FAM120B: variants seen among roughly 807,000 people sequenced by gnomAD.
FAM120B encodes the protein family with sequence similarity 120 member B, also known as constitutive coactivator of peroxisome proliferator-activated receptor gamma.
In FAM120B, 83 loss-of-function variants were observed where a neutral mutation model predicts 96.3. The ratio of observed to expected loss-of-function variants is 0.86; its 90% CI spans 0.72 to 1.03. The LOEUF (loss-of-function observed/expected upper bound fraction) is 1.03. Among genes scored for constraint, FAM120B ranks in the 50% least tolerant of loss-of-function variants. The probability of loss-of-function intolerance (pLI) is 0.00; values close to 1 mark genes in which losing one functional copy is unlikely to be tolerated. For synonymous variants in FAM120B, 407 were observed against 402.7 expected (o/e 1.01, Z -0.13); for missense variants, 1,027 against 1,121.2 (o/e 0.92, Z 1.20).
rs1422859582 is a variant in FAM120B, at chr6:170,404,526, G to C, written c.2693-24G>C. On this transcript the variant is annotated intron_variant, in intron 9 of 10. Coordinates refer to ENST00000476287, the MANE Select transcript of FAM120B (RefSeq NM_032448.3). Reference sequence around the variant, plus strand: ...TTGAGAGAGATTTAATTCTTACTTTGGTTTTCATGTCTGTTTACTGCAGGA... The same window carrying C: ...TTGAGAGAGATTTAATTCTTACTTTCGTTTTCATGTCTGTTTACTGCAGGA... The C allele has an allele frequency of 1.9e-6, 3 of 1,609,334 alleles. No homozygotes were observed. The African/African-American group carries it at 4.0e-5, about 22-fold the overall frequency.
chr6:170,383,103 A>G (rs201061680), intron 6 of FAM120B, among the ~76,000 whole-genome samples: 2 of 72,128 alleles, frequency 2.8e-5, no homozygotes, highest in South Asian at 1.2e-3. Flanking sequence ...CCAAAAAAAG[A>G]AAAAAAAAAA....
intron 9 of FAM120B, among the ~76,000 whole-genome samples, chr6:170,396,515 T>C (rs887288293): frequency 3.9e-5 from 6 of 152,218 alleles, no homozygotes; most frequent in African/African-American, 1.2e-4. Flanking sequence ...TTGAGAGAGC[T>C]CCAGGAATTT....
At chr6:170,305,787 C>A (rs1467753944), upstream of FAM120B, among the ~76,000 whole-genome samples, 1 of 152,220 alleles carries the variant, frequency 6.6e-6, no homozygotes, top group East Asian at 1.9e-4. Context: ...GGAACTGCAG[C>A]TAGAGGGGTG....
At chr6:170,400,721 A>G (rs1170502789) in intron 9 of FAM120B, among the ~76,000 whole-genome samples, 1 of 152,196 alleles carries the variant, frequency 6.6e-6, no homozygotes, top group African/African-American at 2.4e-5. Context: ...ATGTCAAACT[A>G]TTTTGTTAAA....
At chr6:170,333,068 A>G (rs1786165000) in intron 4 of FAM120B, among the ~76,000 whole-genome samples, 2 of 152,158 alleles carry the variant, frequency 1.3e-5, no homozygotes, top group Non-Finnish European at 2.9e-5. Context: ...AAAAATTAGG[A>G]AGGGGAAATA....
upstream of FAM120B, among the ~76,000 whole-genome samples, chr6:170,302,290 T>A (rs1041376107): frequency 1.3e-5 from 2 of 152,180 alleles, no homozygotes; most frequent in African/African-American, 4.8e-5. Flanking sequence ...TCAGGTCTCA[T>A]GAGAACTCAA....
chr6:170,339,803 T>A lies in FAM120B; in HGVS notation c.2018-8348T>A, dbSNP rs527902131. On this transcript the variant is annotated intron_variant, in intron 4 of 10. Transcript: ENST00000476287. The stretch of plus-strand genomic sequence containing the variant: ...CAAAAAAAAAAAAAAAAAAAGAATG[T>A]TGGACATTGGCCCCCCACTCTTTTG... 7.7e-4 allele frequency among the ~76,000 whole-genome samples: 117 copies of A among 151,480 alleles called. 1 individual carries two copies. Among genetic ancestry groups the A allele is most frequent in the South Asian group, 6.9e-3 (33 of 4,790 alleles).
chr6:170,367,263 C>T (rs985078549), intron 6 of FAM120B, among the ~76,000 whole-genome samples: 3 of 152,248 alleles, frequency 2.0e-5, no homozygotes, highest in Non-Finnish European at 2.9e-5. Flanking sequence ...ACCAGACTAT[C>T]GCCCATAGGC....
chr6:170,348,396 C>A, intron 5 of FAM120B, 73 bp downstream of exon 5: 1 of 1,374,718 alleles, frequency 7.3e-7, no homozygotes, highest in Non-Finnish European at 1.0e-6. Context: ...TGGGATATTG[C>A]CATGGCTGGT....
At chr6:170,350,229 A>G (rs112346677) in intron 5 of FAM120B, among the ~76,000 whole-genome samples, 8 of 152,318 alleles carry the variant, frequency 5.3e-5, no homozygotes, top group African/African-American at 1.9e-4. Context: ...TGCAGGCTGC[A>G]CTTCCATGGC....
chr6:170,358,358 A>C, intron 6 of FAM120B, 40 bp downstream of exon 6: 1 of 1,366,790 alleles, frequency 7.3e-7, no homozygotes, highest in Non-Finnish European at 1.0e-6. Context: ...CCCGGAAGAC[A>C]GCTGTGCAGT....
upstream of FAM120B, chr6:170,291,148 C>T: frequency 3.7e-6 from 2 of 544,966 alleles, no homozygotes; most frequent in Admixed American, 2.2e-5. Flanking sequence ...CCCCTGCCCC[C>T]GCCCCCAGCC....
chr6:170,293,798 C>T (rs1783937977), upstream of FAM120B, among the ~76,000 whole-genome samples: 1 of 150,216 alleles, frequency 6.7e-6, no homozygotes, highest in Admixed American at 6.6e-5. Context: ...TCCTCTCTCC[C>T]TCTCTCTTTA....
intron 4 of FAM120B, among the ~76,000 whole-genome samples, chr6:170,335,048 T>C (rs1042392450): frequency 1.3e-5 from 2 of 149,648 alleles, no homozygotes; most frequent in African/African-American, 2.5e-5. Flanking sequence ...TTTTTTTTGT[T>C]TTTTTTTTTA....
rs1562597199 is a variant in FAM120B, at chr6:170,394,600, CCG to C, written c.2600-885_2600-884del. ...GCACAAGGCCACGCCTCCGTGGACA[CCG>C]CAGCATGCCAGCACGAGGCCACGCC... On this transcript the variant is annotated intron_variant, in intron 8 of 10. Coordinates refer to ENST00000476287, the MANE Select transcript of FAM120B (RefSeq NM_032448.3). Among the ~76,000 whole-genome samples, 6 of 44,872 alleles carry C rather than the reference CCG, an allele frequency of 1.3e-4. 3 individuals carry two copies. The highest frequency in any genetic ancestry group is 6.4e-4 in the African/African-American group (6 of 9,324). 29.4% of individuals were successfully genotyped at this position (44,872 alleles called of 152,430 possible). A position where few individuals can be genotyped will look rare whatever the true frequency, so the allele number is the denominator to read the frequency against.
Position 170,383,421 on chromosome 6 carries a change from A to T in FAM120B, c.2284-4866A>T, listed in dbSNP as rs779378099. 4.2e-4 allele frequency among the ~76,000 whole-genome samples: 64 copies of T among 152,254 alleles called. 1 individual carries two copies. The highest frequency in any genetic ancestry group is 5.6e-4 in the Non-Finnish European group (38 of 68,048). On this transcript the variant is annotated intron_variant, in intron 6 of 10. Coordinates refer to ENST00000476287, the MANE Select transcript of FAM120B (RefSeq NM_032448.3). ...CTTGCAAACCTCCTGTCTGACAGAG[A>T]TCTTATACCTAGAAAATATAAAGAA...
chr6:170,384,568 T>G (rs907258448), intron 6 of FAM120B, among the ~76,000 whole-genome samples: 1 of 152,148 alleles, frequency 6.6e-6, no homozygotes, highest in Non-Finnish European at 1.5e-5. Flanking sequence ...AGAAGAAAGG[T>G]CAGCGCCCCA....
chr6:170,333,356 A>G (rs1213510759), intron 4 of FAM120B, among the ~76,000 whole-genome samples: 7 of 152,056 alleles, frequency 4.6e-5, no homozygotes, highest in Non-Finnish European at 8.8e-5. Context: ...GAAGCCAACC[A>G]TGCTGGCACC....
At chr6:170,349,330 T>TA (rs11370631) in intron 5 of FAM120B, among the ~76,000 whole-genome samples, 1,744 of 152,346 alleles carry the variant, frequency 0.011, 23 homozygotes, top group African/African-American at 0.036. Flanking sequence ...AGTGTTCACT[T>TA]ACCTGGAATA....
Sources: gnomAD v4.1 joint callset for allele counts (sites outside exome capture counted in the v4.1 genomes callset) on GRCh38, gnomAD v4.1.1 for gene constraint, MANE v1.5 for transcripts, NCBI Gene and HGNC (gene_info 2026-07-23, HGNC 2026-07-21) for gene names.